The following NRG3 variants were observed in gnomAD, a reference collection of about 807,000 sequenced individuals.
NRG3 encodes pro-neuregulin-3, membrane-bound isoform.
Under a neutral mutation model 66.9 loss-of-function variants are expected in NRG3, and 31 were observed. The ratio of observed to expected loss-of-function variants is 0.46; its 90% CI spans 0.35 to 0.63. The LOEUF is 0.63. Ranked by LOEUF, NRG3 falls within the 20% of genes least tolerant of loss-of-function variation. The pLI is 0.00. For synonymous variants in NRG3, 393 were observed against 359.4 expected, an observed-to-expected ratio of 1.09 and a Z score of -1.06; for missense variants, 910 against 878.9, an observed-to-expected ratio of 1.04 and a Z score of -0.45.
intron 1 of NRG3, among the ~76,000 whole-genome samples, chr10:82,316,085 GACTGGGGCATTCCCTCAGAGACTTCT>G (rs1240110968): frequency 2.0e-5 from 3 of 152,120 alleles, no homozygotes; most frequent in Non-Finnish European, 1.5e-5. Flanking sequence ...CTGGTGCTGT[GACTGGGGCATTCCCTCAGAGACTTCT>G]ACTTGTGCCT....
At chr10:82,461,248 T>TGCC (rs2091498787) in intron 2 of NRG3, among the ~76,000 whole-genome samples, 1 of 147,220 alleles carries the variant, frequency 6.8e-6, no homozygotes, top group Non-Finnish European at 1.5e-5. Context: ...CCACCACCAC[T>TGCC]GCCACCACCA....
At chr10:82,285,366 C>T (rs1175035662) in intron 1 of NRG3, among the ~76,000 whole-genome samples, 5 of 152,174 alleles carry the variant, frequency 3.3e-5, no homozygotes, top group Admixed American at 3.3e-4. Context: ...AATCCCACTT[C>T]TTGTTCATAT....
chr10:82,830,430 GTATATT>G (rs1419670895), intron 3 of NRG3, among the ~76,000 whole-genome samples: 1 of 152,144 alleles, frequency 6.6e-6, no homozygotes, highest in Non-Finnish European at 1.5e-5. Context: ...CTAAGTCTGA[GTATATT>G]TATGAGTTAT....
At chr10:82,495,811 G>GACACAC (rs55671097) in intron 2 of NRG3, among the ~76,000 whole-genome samples, 22,521 of 144,672 alleles carry the variant, frequency 0.16, 1,805 homozygotes, top group Admixed American at 0.22. Context: ...TTAGAGTGCA[G>GACACAC]ACACACACAC....
intron 1 of NRG3, among the ~76,000 whole-genome samples, chr10:81,908,569 G>T (rs12358815): frequency 0.097 from 14,731 of 152,272 alleles, 774 homozygotes; most frequent in South Asian, 0.19. Flanking sequence ...AGTTTCCAGA[G>T]ATTGGTTTCC....
intron 4 of NRG3, among the ~76,000 whole-genome samples, chr10:82,880,467 G>C (rs1270074129): frequency 1.3e-5 from 2 of 152,194 alleles, no homozygotes; most frequent in Non-Finnish European, 2.9e-5. Context: ...GCTGATGAAA[G>C]TAAAAGTAAT....
chr10:82,972,866 A>G (rs565378805), intron 6 of NRG3, among the ~76,000 whole-genome samples: 2 of 152,268 alleles, frequency 1.3e-5, no homozygotes, highest in East Asian at 3.9e-4. Context: ...TGCTTTTGAA[A>G]TGAGAAAAAA....
At chr10:82,847,831 C>A (rs1444088751) in intron 3 of NRG3, among the ~76,000 whole-genome samples, 2 of 152,132 alleles carry the variant, frequency 1.3e-5, no homozygotes, top group Non-Finnish European at 2.9e-5. Flanking sequence ...TTTAAGCTCA[C>A]AGAATTCGAC....
intron 1 of NRG3, among the ~76,000 whole-genome samples, chr10:82,055,661 A>C (rs2063810964): frequency 6.6e-6 from 1 of 152,120 alleles, no homozygotes; most frequent in African/African-American, 2.4e-5. Context: ...ATAGGGTGAT[A>C]ATTAGAATAG....
intron 1 of NRG3, among the ~76,000 whole-genome samples, chr10:82,293,795 C>G (rs1345991743): frequency 6.6e-6 from 1 of 151,986 alleles, no homozygotes; most frequent in Non-Finnish European, 1.5e-5. Context: ...CCTGCTTCAG[C>G]CTCTTAATAT....
At chr10:82,399,069 A>G (rs1342809874) in intron 2 of NRG3, among the ~76,000 whole-genome samples, 1 of 152,210 alleles carries the variant, frequency 6.6e-6, no homozygotes, top group Non-Finnish European at 1.5e-5. Context: ...TGTGGCTGCC[A>G]TTTATTCTTA....
chr10:81,918,686 T>C (rs73306503), intron 1 of NRG3, among the ~76,000 whole-genome samples: 2,865 of 152,232 alleles, frequency 0.019, 77 homozygotes, highest in African/African-American at 0.063. Flanking sequence ...GAAGATGCTT[T>C]AGGCAAATGA....
At chr10:82,728,421 C>T (rs541085451) in intron 2 of NRG3, among the ~76,000 whole-genome samples, 9 of 152,230 alleles carry the variant, frequency 5.9e-5, no homozygotes, top group East Asian at 3.9e-4. Context: ...TCACAAGATC[C>T]GATGGTTTAA....
At chr10:82,116,412 A>T (rs977207953) in intron 1 of NRG3, among the ~76,000 whole-genome samples, 3 of 152,126 alleles carry the variant, frequency 2.0e-5, no homozygotes, top group Non-Finnish European at 2.9e-5. Flanking sequence ...CTTTACAGGA[A>T]TAGGAAGTGC....
chr10:82,588,425 A>G (rs755229601), intron 2 of NRG3, among the ~76,000 whole-genome samples: 7 of 152,174 alleles, frequency 4.6e-5, no homozygotes, highest in Admixed American at 1.3e-4. Context: ...CCATGATTAG[A>G]AGCTTCCTGA....
At chr10:82,449,128 G>A (rs922207390) in intron 2 of NRG3, among the ~76,000 whole-genome samples, 4 of 152,146 alleles carry the variant, frequency 2.6e-5, no homozygotes, top group African/African-American at 4.8e-5. Context: ...GGGCAGGTCC[G>A]AAAGAGATGG....
chr10:82,927,502 C>T (rs1350910934), intron 4 of NRG3, among the ~76,000 whole-genome samples: 3 of 152,070 alleles, frequency 2.0e-5, no homozygotes. Flanking sequence ...CTGGCCCCCA[C>T]CCCCTGACAG....
rs1403723853 is a variant in NRG3, at chr10:82,881,126, A to G, written c.1054+15689A>G. On this transcript the variant is annotated intron_variant, in intron 4 of 8. Transcript: ENST00000372141. ...CTGTTCCCAAATTACCTCAGCAACTATGGTTGTTTAACAAGGCAAACACAA... is the reference window on the plus strand; with the variant it reads ...CTGTTCCCAAATTACCTCAGCAACTGTGGTTGTTTAACAAGGCAAACACAA... Among the ~76,000 whole-genome samples, 3 of 152,254 alleles carry G rather than the reference A, an allele frequency of 2.0e-5. No homozygotes were observed. The East Asian group carries it at 5.8e-4, about 29-fold the overall frequency.
At chr10:82,515,406 C>G (rs1845563706) in intron 2 of NRG3, among the ~76,000 whole-genome samples, 1 of 152,204 alleles carries the variant, frequency 6.6e-6, no homozygotes, top group African/African-American at 2.4e-5. Flanking sequence ...ATTCTCCATA[C>G]AGATCAACCT....
Sources: allele counts gnomAD v4.1 joint callset (sites outside exome capture counted in the v4.1 genomes callset), GRCh38; gene constraint gnomAD v4.1.1; transcripts MANE v1.5; gene names NCBI Gene and HGNC (gene_info 2026-07-23, HGNC 2026-07-21).